Variants in KCNK1 observed in about 807,000 individuals in gnomAD.
KCNK1 encodes potassium channel subfamily K member 1.
Under a neutral mutation model 22.2 loss-of-function variants are expected in KCNK1, and 10 were observed. The observed-to-expected ratio is 0.45, with a 90% CI of 0.28 to 0.76. The LOEUF (loss-of-function observed/expected upper bound fraction) is 0.76, where lower values mean the gene tolerates loss of function less well. Among genes scored for constraint, KCNK1 ranks in the 30% least tolerant of loss-of-function variants. KCNK1 has a pLI of 0.14. For synonymous variants in KCNK1, 200 were observed against 186.4 expected (o/e 1.07, Z -0.60); for missense variants, 378 against 421.0 (o/e 0.90, Z 0.89).
At chr1:233,671,187 G>C (rs1558121995) in intron 2 of KCNK1, 84 bp from the exon 3 acceptor site, 1 of 1,222,626 alleles carries the variant, frequency 8.2e-7, no homozygotes. Context: ...CACTGTGTTG[G>C]CATGAGGTGG....
rs1186672728 is a variant in KCNK1, at chr1:233,671,678, C to CA, written c.*155dup. On this transcript the variant is annotated 3_prime_UTR_variant, in exon 3 of 3. Transcript: ENST00000366621. ...TTTGCAATGTCTTATTAAAAAACAACAAAAAAAGACAAATGGAACAAAGAA... is the reference window on the plus strand; with the variant it reads ...TTTGCAATGTCTTATTAAAAAACAACAAAAAAAAGACAAATGGAACAAAGAA... 5 of 865,736 alleles carry CA rather than the reference C, an allele frequency of 5.8e-6. No individual in the cohort carries two copies. Among genetic ancestry groups the CA allele is most frequent in the East Asian group, 2.6e-5 (1 of 37,926 alleles). 53.6% of individuals were successfully genotyped at this position (865,736 alleles called of 1,614,324 possible). A position where few individuals can be genotyped will look rare whatever the true frequency, so the allele number is the denominator to read the frequency against.
intron 1 of KCNK1, among the ~76,000 whole-genome samples, chr1:233,654,355 A>C (rs1188629207): frequency 6.6e-6 from 1 of 152,198 alleles, no homozygotes; most frequent in African/African-American, 2.4e-5. Context: ...TTAAAGTAAA[A>C]GAAAACAAAT....
At chr1:233,647,621 TAAGTTTTGG>T (rs1658122458) in intron 1 of KCNK1, among the ~76,000 whole-genome samples, 2 of 152,292 alleles carry the variant, frequency 1.3e-5, no homozygotes, top group South Asian at 4.1e-4. Flanking sequence ...CCTTGTCATT[TAAGTTTTGG>T]CTATGAATTC....
intron 1 of KCNK1, among the ~76,000 whole-genome samples, chr1:233,627,194 C>T (rs1657703747): frequency 1.3e-5 from 2 of 152,290 alleles, no homozygotes; most frequent in South Asian, 4.1e-4. Context: ...ATGAGTATAA[C>T]AGGGCTGGCT....
chr1:233,660,429 T>A (rs1253240006), intron 1 of KCNK1: 3 of 152,226 alleles, frequency 2.0e-5, no homozygotes, highest in African/African-American at 7.2e-5. Context: ...CTTTTGAAGA[T>A]CACCACTAAT....
chr1:233,647,579 G>T (rs1238281372), intron 1 of KCNK1, among the ~76,000 whole-genome samples: 2 of 152,114 alleles, frequency 1.3e-5, no homozygotes, highest in African/African-American at 4.8e-5. Flanking sequence ...TCTCCTTAGG[G>T]CCTCACGATG....
At chr1:233,660,146 A>G (rs1198150057) in intron 1 of KCNK1, among the ~76,000 whole-genome samples, 1 of 152,246 alleles carries the variant, frequency 6.6e-6, no homozygotes, top group Non-Finnish European at 1.5e-5. Flanking sequence ...AAATATACTT[A>G]TATATTGAGT....
intron 1 of KCNK1, among the ~76,000 whole-genome samples, chr1:233,665,635 C>T (rs372987715): frequency 5.5e-5 from 8 of 146,188 alleles, no homozygotes; most frequent in African/African-American, 1.8e-4. Flanking sequence ...ATCCCCTGGT[C>T]GGGGCCAGGC....
At chr1:233,614,908 A>AAT (rs1177300778) in intron 1 of KCNK1, among the ~76,000 whole-genome samples, 2 of 152,028 alleles carry the variant, frequency 1.3e-5, no homozygotes, top group Non-Finnish European at 2.9e-5. Context: ...GTCGGGTTTG[A>AAT]ATGTGTAGCA....
Position 233,662,358 on chromosome 1 carries a change from A to G in KCNK1, c.356-4237A>G, listed in dbSNP as rs977155473. Among the ~76,000 whole-genome samples the G allele has an allele frequency of 6.1e-4, 93 of 152,022 alleles. 4 individuals are homozygous for G. Among genetic ancestry groups the G allele is most frequent in the Non-Finnish European group, 2.9e-5 (2 of 68,036 alleles). ...GAGAATGTATACATTGTTCCATATC[A>G]TACTAAATAATGCAAATAAGTGATA... On this transcript the variant is annotated intron_variant, in intron 1 of 2. Coordinates refer to ENST00000366621, the MANE Select transcript of KCNK1 (RefSeq NM_002245.4).
At chr1:233,617,595 C>T (rs544151138) in intron 1 of KCNK1, among the ~76,000 whole-genome samples, 83 of 152,182 alleles carry the variant, frequency 5.5e-4, no homozygotes, top group African/African-American at 1.8e-3. Flanking sequence ...GTTGTGTAGA[C>T]GAATGATTGG....
intron 1 of KCNK1, among the ~76,000 whole-genome samples, chr1:233,638,931 A>G (rs551547645): frequency 1.3e-5 from 2 of 152,196 alleles, no homozygotes; most frequent in South Asian, 4.1e-4. Flanking sequence ...CTCGGGGTAA[A>G]TGTCCACAAA....
intron 1 of KCNK1, among the ~76,000 whole-genome samples, chr1:233,633,536 C>T (rs557086439): frequency 1.3e-5 from 2 of 152,160 alleles, no homozygotes; most frequent in South Asian, 2.1e-4. Flanking sequence ...ATTTGAAGTC[C>T]TATTATCAAA....
intron 1 of KCNK1, among the ~76,000 whole-genome samples, chr1:233,658,380 CTTACT>C (rs1265824781): frequency 2.0e-5 from 3 of 152,060 alleles, no homozygotes; most frequent in Admixed American, 2.0e-4. Flanking sequence ...GGCCAAATTG[CTTACT>C]TTAAAATTAG....
At chr1:233,634,621 G>A (rs935514202) in intron 1 of KCNK1, among the ~76,000 whole-genome samples, 1 of 152,202 alleles carries the variant, frequency 6.6e-6, no homozygotes, top group Non-Finnish European at 1.5e-5. Context: ...TTTTAGCAAA[G>A]CAGGGCTCAT....
chr1:233,638,277 C>A (rs1657938198), intron 1 of KCNK1, among the ~76,000 whole-genome samples: 1 of 151,634 alleles, frequency 6.6e-6, no homozygotes, highest in African/African-American at 2.4e-5. Context: ...TGAGGTCCCA[C>A]AAAGAAGGGT....
At chr1:233,654,700 C>T (rs909180887) in intron 1 of KCNK1, among the ~76,000 whole-genome samples, 2 of 152,104 alleles carry the variant, frequency 1.3e-5, no homozygotes, top group African/African-American at 4.8e-5. Flanking sequence ...ATCCCTTAAA[C>T]CCAGGAGTTT....
intron 1 of KCNK1, among the ~76,000 whole-genome samples, chr1:233,645,512 T>G (rs1463957021): frequency 6.6e-6 from 1 of 152,152 alleles, no homozygotes; most frequent in Admixed American, 6.5e-5. Flanking sequence ...AGTCACAAGC[T>G]AAGGAAGCCT....
intron 2 of KCNK1, among the ~76,000 whole-genome samples, chr1:233,668,899 C>A (rs1658546177): frequency 6.6e-6 from 1 of 152,210 alleles, no homozygotes. Flanking sequence ...GCCACCCCAC[C>A]TGGCCAAGAA....
Sources: gnomAD v4.1 joint callset for allele counts (sites outside exome capture counted in the v4.1 genomes callset) on GRCh38, gnomAD v4.1.1 for gene constraint, MANE v1.5 for transcripts, NCBI Gene and HGNC (gene_info 2026-07-23, HGNC 2026-07-21) for gene names.